MAST2: variants seen among roughly 807,000 people sequenced by gnomAD.
MAST2 encodes the protein microtubule associated serine/threonine kinase 2, also known as microtubule-associated serine/threonine-protein kinase 2.
MAST2 carries 70 observed loss-of-function variants against 147.4 expected under a neutral mutation model. The ratio of observed to expected loss-of-function variants is 0.47; its 90% CI spans 0.39 to 0.58. The LOEUF (loss-of-function observed/expected upper bound fraction) is 0.58. MAST2 is among the 20% of genes least tolerant of loss of function. The pLI is 0.00. For missense variants in MAST2, 2,080 were observed against 2,302.3 expected (o/e 0.90, Z 1.98); for synonymous variants, 869 against 896.8 (o/e 0.97, Z 0.55).
In MAST2 at chr1:45,959,403, G is replaced by A. The variant is rs750589031; in HGVS notation, c.518G>A (p.Arg173His). 1.4e-5 allele frequency: 23 copies of A among 1,613,506 alleles called. No individual in the cohort carries two copies. Among genetic ancestry groups the A allele is most frequent in the Admixed American group, 8.3e-5 (5 of 59,944 alleles). The change falls in exon 5 of 29, where the codon CGC (arginine) becomes CAC (histidine). Residue 173 changes from arginine (R) to histidine (H), a missense_variant. Physicochemically the swap from Arg to His is conservative, Grantham distance 29. Transcript: ENST00000361297. ...RRGSFCRTSNRKSLIVTSSTS... is the reference protein window; with the variant it reads ...RRGSFCRTSNHKSLIVTSSTS... ...CATTGCAGTTGTCGGACAAGTAACC[G>A]CAAGAGCTTGATTGTGACCTCTAGC...
chr1:45,863,294 G>T (rs147717804), intron 3 of MAST2, among the ~76,000 whole-genome samples: 2 of 152,096 alleles, frequency 1.3e-5, no homozygotes, highest in African/African-American at 4.8e-5. Context: ...GACTTTAAAG[G>T]CCTATGACTT....
At position 45,986,852 on chromosome 1, in the gene MAST2, CTT is replaced by C. The variant is rs940138780; in HGVS notation, c.593-10870_593-10869del. On this transcript the variant is annotated intron_variant, in intron 5 of 28. Transcript: ENST00000361297. ...TTAGTCTGTAGTTATCTTATAATAT[CTT>C]TGTCTGGTTTTGGTGTCAGGGTAAT... 1.7e-4 allele frequency among the ~76,000 whole-genome samples: 25 copies of C among 151,394 alleles called. No homozygotes were observed. In the Middle Eastern group the frequency reaches 0.01, roughly 63 times the overall value.
intron 1 of MAST2, among the ~76,000 whole-genome samples, chr1:45,818,192 G>A (rs552182870): frequency 2.0e-5 from 3 of 152,302 alleles, no homozygotes; most frequent in Admixed American, 6.5e-5. Flanking sequence ...GGTGTCAGGC[G>A]TTGCAGTTTT....
intron 5 of MAST2, among the ~76,000 whole-genome samples, chr1:45,986,324 T>C (rs755928786): frequency 1.3e-5 from 2 of 152,206 alleles, no homozygotes; most frequent in African/African-American, 2.4e-5. Flanking sequence ...ATGTAGTGAC[T>C]TATATTGATT....
intron 1 of MAST2, among the ~76,000 whole-genome samples, chr1:45,821,699 A>C (rs4994390): frequency 6.7e-6 from 1 of 149,916 alleles, no homozygotes; most frequent in Admixed American, 6.6e-5. Flanking sequence ...TTGTATTTTT[A>C]TTAGAGACGG....
At position 45,950,268 on chromosome 1, in the gene MAST2, GGGA is replaced by G. The variant is rs1465805137; in HGVS notation, c.501-9113_501-9111del. Among the ~76,000 whole-genome samples, 10 of 152,260 alleles carry G rather than the reference GGGA, an allele frequency of 6.6e-5. No individual in the cohort carries two copies. The South Asian group carries it at 1.2e-3, about 19-fold the overall frequency. Reference sequence around the variant, plus strand: ...TTTGAAGCTTCCAAAAATGGGGTCAGGGAGGAGATGTGCTAGTCTCAATAACCT... The same window carrying G: ...TTTGAAGCTTCCAAAAATGGGGTCAGGGAGATGTGCTAGTCTCAATAACCT... On this transcript the variant is annotated intron_variant, in intron 4 of 28. Coordinates refer to ENST00000361297, the MANE Select transcript of MAST2 (RefSeq NM_015112.3).
chr1:45,908,037 C>T (rs1301273029), intron 4 of MAST2, among the ~76,000 whole-genome samples: 5 of 151,570 alleles, frequency 3.3e-5, no homozygotes, highest in African/African-American at 1.2e-4. Flanking sequence ...TTTATGTTTT[C>T]TCTCCTTTTC....
intron 4 of MAST2, among the ~76,000 whole-genome samples, chr1:45,948,698 C>T: frequency 1.1e-5 from 1 of 88,430 alleles, no homozygotes; most frequent in Non-Finnish European, 2.0e-5. Context: ...CAGAGTGAGA[C>T]TCCATCTCAA....
intron 4 of MAST2, among the ~76,000 whole-genome samples, chr1:45,888,580 T>G (rs1647195238): frequency 6.6e-6 from 1 of 151,012 alleles, no homozygotes; most frequent in South Asian, 2.1e-4. Context: ...GCCAGTATGG[T>G]CTCGATCTGC....
chr1:45,814,234 G>T (rs1019348936), intron 1 of MAST2, among the ~76,000 whole-genome samples: 54 of 151,986 alleles, frequency 3.6e-4, no homozygotes, highest in Admixed American at 3.5e-3. Context: ...AAAGTTAACT[G>T]TAAAACAGCC....
At position 46,023,947 on chromosome 1, in the gene MAST2, C is replaced by T. The variant is rs577634597; in HGVS notation, c.1747C>T (p.Arg583Cys). 8 of 1,614,202 alleles carry T rather than the reference C, an allele frequency of 5.0e-6. No individual in the cohort carries two copies. The highest frequency in any genetic ancestry group is 2.2e-5 in the East Asian group (1 of 44,876). The stretch of plus-strand genomic sequence containing the variant: ...CATGTTCTGCTCCTTTGATACCAAG[C>T]GCCACTTGTGCATGGTGATGGAGTA... ...VSMFCSFDTK[R>C]HLCMVMEYVE... The change falls in exon 15 of 29, where the codon CGC becomes TGC. Residue 583 changes from arginine (R) to cysteine (C), a missense_variant. Transcript: ENST00000361297. The surrounding 1 kb of genome is among the most constrained non-coding windows in gnomAD (Gnocchi z 4.9).
chr1:46,004,600 A>G (rs1250842266), intron 7 of MAST2, among the ~76,000 whole-genome samples: 1 of 152,198 alleles, frequency 6.6e-6, no homozygotes, highest in Non-Finnish European at 1.5e-5. Context: ...CATTTATTAA[A>G]ATGGGGCCAA....
At chr1:45,987,777 A>ATTTTTTTTTTTTTTTTTTTTTTTG (rs1644696222) in intron 5 of MAST2, among the ~76,000 whole-genome samples, 9 of 21,778 alleles carry the variant, frequency 4.1e-4, no homozygotes, top group Non-Finnish European at 5.3e-4. Flanking sequence ...TTTTTTTTTG[A>ATTTTTTTTTTTTTTTTTTTTTTTG]TTTTTTTTTT....
At chr1:45,820,565 C>CT (rs1484242091) in intron 1 of MAST2, among the ~76,000 whole-genome samples, 2 of 151,966 alleles carry the variant, frequency 1.3e-5, no homozygotes, top group Non-Finnish European at 2.9e-5. Context: ...TCATTGTGTG[C>CT]TAAATATCAT....
rs369544181 is a variant in MAST2 at position 46,034,930 on chromosome 1, A to C, written c.4261A>C (p.Lys1421Gln). ...LAAALAASEKKLATSRKHSLD... is the reference protein window; with the variant it reads ...LAAALAASEKQLATSRKHSLD... ...AGCAGCACTTGCCGCCTCTGAGAAGAAGCTAGCCACTTCTCGCAAGCACAG... is the reference window on the plus strand; with the variant it reads ...AGCAGCACTTGCCGCCTCTGAGAAGCAGCTAGCCACTTCTCGCAAGCACAG... The change falls in exon 29 of 29, where the codon AAG (lysine) becomes CAG (glutamine). Residue 1421 changes from lysine (K) to glutamine (Q), a missense_variant. By Grantham distance (53) the Lys-to-Gln change is moderately conservative. Transcript: ENST00000361297. The C allele has an allele frequency of 5.7e-5, 92 of 1,614,170 alleles. No individual in the cohort carries two copies. The East Asian group carries it at 1.1e-3, about 20-fold the overall frequency.
At chr1:45,873,712 C>T (rs151118951) in intron 3 of MAST2, among the ~76,000 whole-genome samples, 1 of 152,266 alleles carries the variant, frequency 6.6e-6, no homozygotes, top group East Asian at 1.9e-4. Flanking sequence ...TTTCTGAGTC[C>T]TAGTTTCTTT....
chr1:45,919,725 G>A (rs896574582), intron 4 of MAST2, among the ~76,000 whole-genome samples: 2 of 152,052 alleles, frequency 1.3e-5, no homozygotes, highest in African/African-American at 4.8e-5. Flanking sequence ...ATCTCTTGAT[G>A]ACTATGGTCT....
At chr1:45,870,972 T>G (rs140327029) in intron 3 of MAST2, among the ~76,000 whole-genome samples, 128 of 152,132 alleles carry the variant, frequency 8.4e-4, no homozygotes, top group African/African-American at 2.5e-3. Flanking sequence ...GAAGATTTTT[T>G]TTGTTGTTGT....
At chr1:45,893,922 A>G (rs1216641796) in intron 4 of MAST2, among the ~76,000 whole-genome samples, 1 of 152,182 alleles carries the variant, frequency 6.6e-6, no homozygotes, top group Non-Finnish European at 1.5e-5. Context: ...ATGTTTTGGG[A>G]TATCTCAGAG....
Sources: gnomAD v4.1 joint callset for allele counts (sites outside exome capture counted in the v4.1 genomes callset) on GRCh38, gnomAD v4.1.1 for gene constraint, Gnocchi (gnomAD v3.1) non-coding constraint, MANE v1.5 for transcripts, NCBI Gene and HGNC (gene_info 2026-07-23, HGNC 2026-07-21) for gene names.